TMEM61: variants seen among roughly 807,000 people sequenced by gnomAD.
TMEM61 encodes the protein transmembrane protein 61.
A neutral mutation model predicts 12.0 loss-of-function variants in TMEM61; 13 were observed. The observed-to-expected ratio is 1.08, with a 90% confidence interval of 0.70 to 1.72. The LOEUF is 1.72. TMEM61 is among the 40% of genes most tolerant of loss of function. TMEM61 has a pLI of 0.00. For missense variants in TMEM61, 249 were observed against 276.9 expected (o/e 0.90, Z 0.71); for synonymous variants, 109 against 121.4 (o/e 0.90, Z 0.67).
In TMEM61 at chr1:54,991,984, TG is replaced by T. The variant is rs1406316511; in HGVS notation, c.516del (p.Trp172CysfsTer43). The stretch of plus-strand genomic sequence containing the variant: ...TGCCCTGCTCAGCACCCAGCCCGCC[TG>T]GCCTCCACCCAGCTATGAGAGCATC... ...RDALLSTQPA[W>X]PPPSYESISL... On this transcript the variant is annotated frameshift_variant, in exon 3 of 3. Transcript: ENST00000371268. LOFTEE classifies it low-confidence loss of function (END_TRUNC). 6.2e-7 allele frequency: 1 copy of T among 1,614,064 alleles called. No homozygotes were observed. Among genetic ancestry groups the T allele is most frequent in the African/African-American group, 1.3e-5 (1 of 74,928 alleles).
intron 1 of TMEM61, among the ~76,000 whole-genome samples, chr1:54,984,720 G>T (rs1644246672): frequency 6.6e-6 from 1 of 152,198 alleles, no homozygotes; most frequent in Admixed American, 6.5e-5. Flanking sequence ...GTTAAGCACA[G>T]GTTTCTGCTG....
At chr1:54,982,831 A>T (rs2101631423) in intron 1 of TMEM61, among the ~76,000 whole-genome samples, 1 of 152,326 alleles carries the variant, frequency 6.6e-6, no homozygotes, top group East Asian at 1.9e-4. Flanking sequence ...ACAAATTGTC[A>T]CCCTATTATG....
rs1369250019 is a variant in TMEM61 at position 54,980,802 on chromosome 1, G to A, written c.-264G>A. 3 of 374,608 alleles carry A rather than the reference G, an allele frequency of 8.0e-6. No individual in the cohort carries two copies. The highest frequency in any genetic ancestry group is 3.9e-5 in the East Asian group (1 of 25,922). 23.2% of individuals were successfully genotyped at this position (374,608 alleles called of 1,614,324 possible). A position where few individuals can be genotyped will look rare whatever the true frequency, so the allele number is the denominator to read the frequency against. On this transcript the variant is annotated 5_prime_UTR_variant, in exon 1 of 3. Coordinates refer to ENST00000371268, the MANE Select transcript of TMEM61 (RefSeq NM_182532.3). Reference sequence around the variant, plus strand: ...CGGGCGCCGGGGTGAGGCCTGGCTCGGTCCCTGCGCACCGGGTGCGGGCGG... The same window carrying A: ...CGGGCGCCGGGGTGAGGCCTGGCTCAGTCCCTGCGCACCGGGTGCGGGCGG...
Position 54,986,221 on chromosome 1 carries a change from C to G in TMEM61, c.140C>G (p.Pro47Arg), listed in dbSNP as rs1557475366. 6.2e-7 allele frequency: 1 copy of G among 1,613,850 alleles called. No individual in the cohort carries two copies. Among genetic ancestry groups the G allele is most frequent in the African/African-American group, 1.3e-5 (1 of 75,080 alleles). Residue 47 changes from proline to arginine, a missense_variant, in exon 2 of 3, where the codon CCT (proline) becomes CGT (arginine). Pro to Arg is a moderately radical substitution (Grantham distance 103). Coordinates refer to ENST00000371268, the MANE Select transcript of TMEM61 (RefSeq NM_182532.3). ...AGCGAAGGGGATGCAACCGCCCAGC[C>G]TGGCCAGCTGGCCCCACCCACGGAG... ...WWSEGDATAQ[P>R]GQLAPPTEYP...
At chr1:54,983,110 T>TTTTTTG (rs3070554) in intron 1 of TMEM61, among the ~76,000 whole-genome samples, 3 of 34,426 alleles carry the variant, frequency 8.7e-5, no homozygotes, top group East Asian at 7.9e-4. Flanking sequence ...TTTTGCTTTG[T>TTTTTTG]TTTTTTTTTT....
rs534841111 is a variant in TMEM61, at chr1:54,980,929, C to G, written c.-137C>G. On this transcript the variant is annotated 5_prime_UTR_variant, in exon 1 of 3. Coordinates refer to ENST00000371268, the MANE Select transcript of TMEM61 (RefSeq NM_182532.3). ...CGGGGGCAGCGGCCAGGCCCCTCCG[C>G]CCCTAACACCCGCGCCTCCTGCAGA... is the stretch of plus-strand genomic sequence containing the variant. The G allele has an allele frequency of 1.1e-6, 1 of 925,296 alleles. No homozygotes were observed. Among genetic ancestry groups the G allele is most frequent in the Non-Finnish European group, 1.5e-6 (1 of 650,428 alleles). The allele number at this position is 925,296 out of a possible 1,614,324, so 57.3% of individuals were successfully genotyped here.
intron 1 of TMEM61, among the ~76,000 whole-genome samples, chr1:54,984,389 A>G (rs1644244568): frequency 1.3e-5 from 2 of 152,170 alleles, no homozygotes; most frequent in African/African-American, 4.8e-5. Flanking sequence ...CCGATGAGGA[A>G]GCAGGCCCGG....
chr1:54,991,017 C>T (rs944394323), intron 2 of TMEM61, among the ~76,000 whole-genome samples: 19 of 152,210 alleles, frequency 1.2e-4, no homozygotes, highest in South Asian at 4.1e-4. Context: ...CCAGGATCAG[C>T]GACATTCCCA....
rs374022420 is a variant in TMEM61 at position 54,991,953 on chromosome 1, G to A, written c.483G>A (p.Ser161=). The A allele has an allele frequency of 2.2e-5, 35 of 1,614,166 alleles. No homozygotes were observed. In the African/African-American group the frequency reaches 3.2e-4, roughly 15 times the overall value. The change falls in exon 3 of 3, where the codon TCG becomes TCA. Residue 161 remains serine (S), a synonymous_variant. Transcript: ENST00000371268. ...AGGAAGCCCTGGAGCCAAGTGGATC[G>A]AGGGATGCCCTGCTCAGCACCCAGC... is the stretch of plus-strand genomic sequence containing the variant. ...PTEEALEPSG[S]RDALLSTQPA...
chr1:54,988,792 C>G (rs1051449241), intron 2 of TMEM61, among the ~76,000 whole-genome samples: 6 of 152,198 alleles, frequency 3.9e-5, no homozygotes, highest in African/African-American at 1.4e-4. Context: ...CCACAGTGGG[C>G]AAAACAGACA....
chr1:54,982,227 C>G (rs1159570436), intron 1 of TMEM61, among the ~76,000 whole-genome samples: 7 of 152,122 alleles, frequency 4.6e-5, no homozygotes, highest in Admixed American at 3.9e-4. Context: ...CCGGAAAACC[C>G]TCCTCTGGCT....
chr1:54,985,037 GATAA>G (rs1459380225), intron 1 of TMEM61, among the ~76,000 whole-genome samples: 1 of 152,136 alleles, frequency 6.6e-6, no homozygotes, highest in Non-Finnish European at 1.5e-5. Flanking sequence ...AGCAAGATGT[GATAA>G]ATGTTTCCTC....
At chr1:54,984,278 T>A (rs1014833133) in intron 1 of TMEM61, among the ~76,000 whole-genome samples, 5 of 152,168 alleles carry the variant, frequency 3.3e-5, no homozygotes, top group African/African-American at 1.2e-4. Flanking sequence ...CTCTTTAAGG[T>A]CTGTGGCCCC....
In TMEM61 at chr1:54,980,914, G is replaced by T. The variant is rs1644213997; in HGVS notation, c.-152G>T. 7 of 773,724 alleles carry T rather than the reference G, an allele frequency of 9.0e-6. No homozygotes were observed. The highest frequency in any genetic ancestry group is 1.1e-5 in the Non-Finnish European group (6 of 523,730). The allele number at this position is 773,724 out of a possible 1,614,324, so 47.9% of individuals were successfully genotyped here. A position where few individuals can be genotyped will look rare whatever the true frequency, so the allele number is the denominator to read the frequency against. On this transcript the variant is annotated 5_prime_UTR_variant, in exon 1 of 3. Coordinates refer to ENST00000371268, the MANE Select transcript of TMEM61 (RefSeq NM_182532.3). Reference sequence around the variant, plus strand: ...CTGGGGAGCAGGGCTCGGGGGCAGCGGCCAGGCCCCTCCGCCCCTAACACC... The same window carrying T: ...CTGGGGAGCAGGGCTCGGGGGCAGCTGCCAGGCCCCTCCGCCCCTAACACC...
chr1:54,983,238 C>T lies in TMEM61; in HGVS notation c.15+2158C>T, dbSNP rs1414372307. Among the ~76,000 whole-genome samples, 6 of 151,072 alleles carry T rather than the reference C, an allele frequency of 4.0e-5. No homozygotes were observed. The East Asian group carries it at 5.8e-4, about 15-fold the overall frequency. On this transcript the variant is annotated intron_variant, in intron 1 of 2. Coordinates refer to ENST00000371268, the MANE Select transcript of TMEM61 (RefSeq NM_182532.3). ...AAGTGATTCTCGTGCCTCAGCATCC[C>T]GAGTAGCTGGGACTACAGGTGCCCA...
chr1:54,986,280 A>T lies in TMEM61; in HGVS notation c.199A>T (p.Arg67Trp), dbSNP rs551543064. The T allele has an allele frequency of 1.2e-6, 2 of 1,613,984 alleles. No homozygotes were observed. Among genetic ancestry groups the T allele is most frequent in the Non-Finnish European group, 1.7e-6 (2 of 1,180,012 alleles). ...PVPEGPSPLL[R>W]SVSFVCCGAG... ...GCCTGAGGGCCCCAGCCCCCTGCTCAGGTCCGTCAGCTTCGTCTGCTGCGG... is the reference window on the plus strand; with the variant it reads ...GCCTGAGGGCCCCAGCCCCCTGCTCTGGTCCGTCAGCTTCGTCTGCTGCGG... The change falls in exon 2 of 3, where the codon AGG becomes TGG. Residue 67 changes from arginine to tryptophan, a missense_variant. Coordinates refer to ENST00000371268, the MANE Select transcript of TMEM61 (RefSeq NM_182532.3).
chr1:54,992,007 C>T lies in TMEM61; in HGVS notation c.537C>T (p.Ser179=), dbSNP rs141176771. 1.7e-5 allele frequency: 28 copies of T among 1,614,136 alleles called. No individual in the cohort carries two copies. In the African/African-American group the frequency reaches 2.8e-4, roughly 16 times the overall value. ...CCTGGCCTCCACCCAGCTATGAGAG[C>T]ATCAGCCTTGCTCTTGATGCCGTTT... ...QPAWPPPSYE[S]ISLALDAVSA... Residue 179 remains serine (S), a synonymous_variant, in exon 3 of 3, where the codon AGC becomes AGT. Coordinates refer to ENST00000371268, the MANE Select transcript of TMEM61 (RefSeq NM_182532.3).
chr1:54,981,410 G>C lies in TMEM61; in HGVS notation c.15+330G>C, dbSNP rs1644220436. 2.0e-5 allele frequency among the ~76,000 whole-genome samples: 3 copies of C among 152,174 alleles called. No individual in the cohort carries two copies. The South Asian group carries it at 6.2e-4, about 32-fold the overall frequency. ...AGGCGGGCTGATAACTTGAGGTCAG[G>C]AGTTCGAGACCAGCCTGGGCAACAT... On this transcript the variant is annotated intron_variant, in intron 1 of 2. Coordinates refer to ENST00000371268, the MANE Select transcript of TMEM61 (RefSeq NM_182532.3).
chr1:54,981,757 G>A (rs1644224428), intron 1 of TMEM61, among the ~76,000 whole-genome samples: 1 of 152,206 alleles, frequency 6.6e-6, no homozygotes, highest in African/African-American at 2.4e-5. Flanking sequence ...GACAGGAGCA[G>A]GGCCTTTCTA....
Sources: gnomAD v4.1 joint callset for allele counts (sites outside exome capture counted in the v4.1 genomes callset) on GRCh38, gnomAD v4.1.1 for gene constraint, MANE v1.5 for transcripts, NCBI Gene and HGNC (gene_info 2026-07-23, HGNC 2026-07-21) for gene names.